MYO5B: variants seen among roughly 807,000 people sequenced by gnomAD.
MYO5B encodes the protein unconventional myosin-Vb.
A neutral mutation model predicts 229.3 loss-of-function variants in MYO5B; 143 were observed. The observed-to-expected ratio is 0.62, with a 90% CI of 0.54 to 0.72. The LOEUF is 0.72. MYO5B is among the 30% of genes least tolerant of loss of function. The probability of loss-of-function intolerance (pLI) is 0.00; values close to 1 mark genes in which losing one functional copy is unlikely to be tolerated. For missense variants in MYO5B, 2,321 were observed against 2,331.0 expected (o/e 1.00, Z 0.09); for synonymous variants, 918 against 885.2 (o/e 1.04, Z -0.66).
At chr18:50,135,021 G>A (rs1167573718) in intron 1 of MYO5B, among the ~76,000 whole-genome samples, 1 of 152,172 alleles carries the variant, frequency 6.6e-6, no homozygotes, top group Non-Finnish European at 1.5e-5. Flanking sequence ...ATTGTAATAA[G>A]TGTGTTCCTC....
At chr18:50,154,721 G>A (rs895691321) in intron 1 of MYO5B, among the ~76,000 whole-genome samples, 3 of 152,216 alleles carry the variant, frequency 2.0e-5, no homozygotes, top group Non-Finnish European at 2.9e-5. Flanking sequence ...ACTGAGGTGG[G>A]AGGGACTGGA....
chr18:49,975,746 G>A (rs1405755005), intron 9 of MYO5B, among the ~76,000 whole-genome samples: 1 of 152,068 alleles, frequency 6.6e-6, no homozygotes, highest in Non-Finnish European at 1.5e-5. Flanking sequence ...AAGCTGAGCT[G>A]AGCCCCAGAG....
At chr18:49,916,704 G>C (rs1350692384) in intron 17 of MYO5B, among the ~76,000 whole-genome samples, 1 of 152,046 alleles carries the variant, frequency 6.6e-6, no homozygotes, top group Non-Finnish European at 1.5e-5. Flanking sequence ...TGAGGGTGGG[G>C]ACACCCTCAG....
chr18:50,147,772 G>T (rs1401495098), intron 1 of MYO5B, among the ~76,000 whole-genome samples: 2 of 152,088 alleles, frequency 1.3e-5, no homozygotes, highest in African/African-American at 4.8e-5. Context: ...TCCAGTGCCT[G>T]CACACTCCCT....
At chr18:49,941,393 G>C (rs528571614) in intron 14 of MYO5B, among the ~76,000 whole-genome samples, 6 of 152,326 alleles carry the variant, frequency 3.9e-5, no homozygotes, top group Non-Finnish European at 7.3e-5. Flanking sequence ...ATTAGCACTA[G>C]AGAATGCTAC....
chr18:50,171,452 T>A lies in MYO5B; in HGVS notation c.27+23315A>T, dbSNP rs1183080686. ...GACCATAAACTTAGAAATATAAAGG[T>A]ACAGAACATTCCAGGCAGATACAGC... On this transcript the variant is annotated intron_variant, in intron 1 of 39. Coordinates refer to ENST00000285039, the MANE Select transcript of MYO5B (RefSeq NM_001080467.3). Among the ~76,000 whole-genome samples the A allele has an allele frequency of 4.7e-5, 6 of 127,140 alleles. 1 individual carries two copies. The highest frequency in any genetic ancestry group is 6.7e-5 in the Non-Finnish European group (4 of 59,712). 83.4% of individuals were successfully genotyped at this position (127,140 alleles called of 152,430 possible).
intron 1 of MYO5B, among the ~76,000 whole-genome samples, chr18:50,108,856 T>C (rs1193214032): frequency 6.6e-6 from 1 of 152,228 alleles, no homozygotes; most frequent in Non-Finnish European, 1.5e-5. Context: ...CATGAGGCTA[T>C]ATGTGCTGCT....
At chr18:50,179,402 A>T (rs1195138183) in intron 1 of MYO5B, among the ~76,000 whole-genome samples, 2 of 152,228 alleles carry the variant, frequency 1.3e-5, no homozygotes. Flanking sequence ...CATCTTGGGA[A>T]GTTCCTTCAT....
chr18:49,901,990 C>T (rs954378181), intron 21 of MYO5B, among the ~76,000 whole-genome samples: 8 of 152,240 alleles, frequency 5.3e-5, no homozygotes, highest in Middle Eastern at 3.2e-3. Flanking sequence ...GCTGCATTAC[C>T]CTATGTCACC....
At chr18:49,915,129 TCC>T (rs1262631516) in intron 17 of MYO5B, among the ~76,000 whole-genome samples, 1 of 152,006 alleles carries the variant, frequency 6.6e-6, no homozygotes, top group African/African-American at 2.4e-5. Flanking sequence ...ATGACATCTC[TCC>T]CTTTTCCTTT....
At chr18:49,943,559 A>G (rs1300126732) in intron 14 of MYO5B, among the ~76,000 whole-genome samples, 2 of 152,190 alleles carry the variant, frequency 1.3e-5, no homozygotes, top group Non-Finnish European at 1.5e-5. Flanking sequence ...AAAGCAGAGA[A>G]AGTAAATACT....
chr18:50,052,705 T>TAA (rs35059232), intron 2 of MYO5B, among the ~76,000 whole-genome samples: 6,778 of 142,580 alleles, frequency 0.048, 180 homozygotes, highest in African/African-American at 0.066. Context: ...TAAAGTATAA[T>TAA]AAAAAAAAAA....
chr18:50,161,354 A>T (rs1402201954), intron 1 of MYO5B, among the ~76,000 whole-genome samples: 2 of 152,200 alleles, frequency 1.3e-5, no homozygotes, highest in Non-Finnish European at 2.9e-5. Context: ...ACTGCACTCC[A>T]GTCTGGACAA....
intron 1 of MYO5B, among the ~76,000 whole-genome samples, chr18:50,138,167 AC>A (rs1006593612): frequency 1.3e-5 from 2 of 152,172 alleles, no homozygotes; most frequent in Admixed American, 1.3e-4. Context: ...CCTAAAATAT[AC>A]CCACAAGCAC....
chr18:50,122,734 C>G (rs1482513634), intron 1 of MYO5B, among the ~76,000 whole-genome samples: 1 of 148,036 alleles, frequency 6.8e-6, no homozygotes, highest in Non-Finnish European at 1.5e-5. Context: ...AATAACAGAC[C>G]CTGAAATGCA....
At position 50,081,485 on chromosome 18, in the gene MYO5B, G is replaced by T. The variant is rs549485611; in HGVS notation, c.28-26107C>A. 7.2e-5 allele frequency among the ~76,000 whole-genome samples: 11 copies of T among 152,324 alleles called. No individual in the cohort carries two copies. The South Asian group carries it at 8.3e-4, about 11-fold the overall frequency. On this transcript the variant is annotated intron_variant, in intron 1 of 39. Coordinates refer to ENST00000285039, the MANE Select transcript of MYO5B (RefSeq NM_001080467.3). ...CTGTAAAGGTGGTGGGAAAAGGGAG[G>T]AAAACACTATGAGAGAGAAACATCT...
intron 28 of MYO5B, 21 bp downstream of exon 28, chr18:49,864,120 C>T (rs752357762): frequency 5.6e-6 from 9 of 1,604,108 alleles, no homozygotes; most frequent in Non-Finnish European, 7.6e-6. Context: ...GCAGCCCCAC[C>T]GCGGGCCGCC....
At chr18:50,160,298 G>C (rs964287195) in intron 1 of MYO5B, among the ~76,000 whole-genome samples, 3 of 152,208 alleles carry the variant, frequency 2.0e-5, no homozygotes, top group Non-Finnish European at 2.9e-5. Flanking sequence ...CTGTGGAGCA[G>C]ACTCTCTAAG....
intron 17 of MYO5B, among the ~76,000 whole-genome samples, chr18:49,921,615 C>G (rs528099307): frequency 6.6e-6 from 1 of 152,146 alleles, no homozygotes; most frequent in Admixed American, 6.5e-5. Flanking sequence ...TAGGGAAGCC[C>G]GAGGGCAGGC....
Sources: allele counts gnomAD v4.1 joint callset (sites outside exome capture counted in the v4.1 genomes callset), GRCh38; gene constraint gnomAD v4.1.1; transcripts MANE v1.5; gene names NCBI Gene and HGNC (gene_info 2026-07-23, HGNC 2026-07-21).